Variants in TRIM11 observed in about 807,000 individuals in gnomAD.
TRIM11 encodes the protein E3 ubiquitin-protein ligase TRIM11.
A neutral mutation model predicts 33.4 loss-of-function variants in TRIM11; 15 were observed. That is an observed-to-expected ratio of 0.45 (90% CI 0.30 to 0.69). TRIM11 has a LOEUF of 0.69. Among genes scored for constraint, TRIM11 ranks in the 30% least tolerant of loss-of-function variants. The pLI, the probability that TRIM11 is intolerant of heterozygous loss-of-function variation, is 0.08. For synonymous variants in TRIM11, 281 were observed against 302.6 expected (o/e 0.93, Z 0.74); for missense variants, 499 against 667.6 (o/e 0.75, Z 2.78).
At position 228,396,958 on chromosome 1, in the gene TRIM11, C is replaced by A. The variant is rs149358976; in HGVS notation, c.848G>T (p.Arg283Leu). ...GCCTCCACACCTACCTCGAAACCTC[C>A]GCAGTGTCTCTACCAGTCCCGGGAC... is the stretch of plus-strand genomic sequence containing the variant. ...CRVPGLVETLRRFRGDVTLDP... is the reference protein window; with the variant it reads ...CRVPGLVETLLRFRGDVTLDP... Residue 283 changes from arginine to leucine, a missense_variant, in exon 5 of 6, where the codon CGG (arginine) becomes CTG (leucine). Physicochemically the swap from Arg to Leu is moderately radical, Grantham distance 102. Transcript: ENST00000284551. 1.2e-6 allele frequency: 2 copies of A among 1,614,108 alleles called. No homozygotes were observed. The highest frequency in any genetic ancestry group is 4.5e-5 in the East Asian group (2 of 44,864).
chr1:228,398,239 T>G (rs914235578), intron 3 of TRIM11, among the ~76,000 whole-genome samples: 1 of 152,064 alleles, frequency 6.6e-6, no homozygotes, highest in Non-Finnish European at 1.5e-5. Context: ...TAAGACATAA[T>G]CCCAGACAAG....
At chr1:228,397,876 C>G (rs980427756) in intron 3 of TRIM11, among the ~76,000 whole-genome samples, 1 of 152,092 alleles carries the variant, frequency 6.6e-6, no homozygotes, top group Non-Finnish European at 1.5e-5. Flanking sequence ...ACACAGACAC[C>G]CACAGAGGGG....
chr1:228,406,634 C>G lies in TRIM11; in HGVS notation c.-73G>C. 7.5e-7 allele frequency: 1 copy of G among 1,335,122 alleles called. No homozygotes were observed. Among genetic ancestry groups the G allele is most frequent in the South Asian group, 1.9e-5 (1 of 51,346 alleles). 82.7% of individuals were successfully genotyped at this position (1,335,122 alleles called of 1,614,324 possible). On this transcript the variant is annotated 5_prime_UTR_variant, in exon 1 of 6. Coordinates refer to ENST00000284551, the MANE Select transcript of TRIM11 (RefSeq NM_145214.3). This position sits in a 1 kb window ranked among gnomAD's most constrained non-coding sequence, Gnocchi z 8.2. ...GGGCGGCCTCGGCAGCTCGCGGGGA[C>G]GCGGGGTATCCGGGTGCGGCGGCGC...
Position 228,402,102 on chromosome 1 carries a change from G to A in TRIM11, c.468C>T (p.Phe156=). 1 of 1,613,328 alleles carries A rather than the reference G, an allele frequency of 6.2e-7. No homozygotes were observed. The highest frequency in any genetic ancestry group is 8.5e-7 in the Non-Finnish European group (1 of 1,179,626). ...LRKQMQDALL[F]QAQADETCVL... is the part of the protein sequence containing the mutation. ...CGCAGGTCTCATCCGCCTGGGCTTG[G>A]AACAGCAACGCATCCTGCATCTGCT... The change falls in exon 2 of 6, where the codon TTC becomes TTT. Residue 156 remains phenylalanine (F), a synonymous_variant. Coordinates refer to ENST00000284551, the MANE Select transcript of TRIM11 (RefSeq NM_145214.3).
chr1:228,396,944 T>A lies in TRIM11; in HGVS notation c.859+3A>T. 6.2e-7 allele frequency: 1 copy of A among 1,614,004 alleles called. No homozygotes were observed. ...TCTCCCCACCTGGGGCCTCCACACC[T>A]ACCTCGAAACCTCCGCAGTGTCTCT... On this transcript the variant is annotated splice_donor_region_variant and intron_variant, in intron 5 of 5. Coordinates refer to ENST00000284551, the MANE Select transcript of TRIM11 (RefSeq NM_145214.3).
chr1:228,396,175 C>G (rs936594090), intron 5 of TRIM11: 1 of 158,734 alleles, frequency 6.3e-6, no homozygotes, highest in Non-Finnish European at 1.4e-5. Context: ...AGCATAAGGC[C>G]AGCCACCAGA....
At chr1:228,399,638 C>G (rs1317673912) in intron 3 of TRIM11, among the ~76,000 whole-genome samples, 1 of 152,210 alleles carries the variant, frequency 6.6e-6, no homozygotes, top group East Asian at 1.9e-4. Context: ...CTCCCCACCC[C>G]ACAATTTACT....
intron 1 of TRIM11, chr1:228,404,586 G>A (rs573579457): frequency 3.2e-4 from 49 of 152,352 alleles, no homozygotes; most frequent in African/African-American, 9.9e-4. Context: ...GATGCAGGAA[G>A]AGCTCTCTGT....
At chr1:228,398,599 A>G (rs1396974582) in intron 3 of TRIM11, among the ~76,000 whole-genome samples, 1 of 152,178 alleles carries the variant, frequency 6.6e-6, no homozygotes, top group Non-Finnish European at 1.5e-5. Context: ...TGGGCGACAG[A>G]GTGAGACCCT....
chr1:228,406,276 G>T lies in TRIM11; in HGVS notation c.286C>A (p.Arg96Ser). The T allele has an allele frequency of 6.7e-7, 1 of 1,492,290 alleles. No homozygotes were observed. The allele number at this position is 1,492,290 out of a possible 1,614,324, so 92.4% of individuals were successfully genotyped here. A position where few individuals can be genotyped will look rare whatever the true frequency, so the allele number is the denominator to read the frequency against. ...CCACAGAAGGCGGCCAGTGGCTCGC[G>T]GTGCGCGGGGCACACGCCCTGCGGG... is the stretch of plus-strand genomic sequence containing the variant. ...PVPQGVCPAH[R>S]EPLAAFCGDE... The change falls in exon 1 of 6, where the codon CGC becomes AGC. Residue 96 changes from arginine to serine, a missense_variant. Coordinates refer to ENST00000284551, the MANE Select transcript of TRIM11 (RefSeq NM_145214.3). This position sits in a 1 kb window ranked among gnomAD's most constrained non-coding sequence, Gnocchi z 8.2.
chr1:228,395,208 G>T lies in TRIM11; in HGVS notation c.904C>A (p.Leu302Met). ...DPDTANPELI[L>M]SEDRRSVQRG... Reference sequence around the variant, plus strand: ...TGCACGCTCCGCCTGTCTTCAGACAGGATCAGCTCAGGGTTGGCGGTGTCC... The same window carrying T: ...TGCACGCTCCGCCTGTCTTCAGACATGATCAGCTCAGGGTTGGCGGTGTCC... The change falls in exon 6 of 6, where the codon CTG becomes ATG. Residue 302 changes from leucine to methionine, a missense_variant. Transcript: ENST00000284551. This position sits in a 1 kb window ranked among gnomAD's most constrained non-coding sequence, Gnocchi z 4.8. The T allele has an allele frequency of 6.7e-7, 1 of 1,493,898 alleles. No homozygotes were observed. Among genetic ancestry groups the T allele is most frequent in the South Asian group, 1.4e-5 (1 of 73,612 alleles). The allele number at this position is 1,493,898 out of a possible 1,614,324, so 92.5% of individuals were successfully genotyped here.
At position 228,401,327 on chromosome 1, in the gene TRIM11, A is replaced by T; in HGVS notation, c.505-133T>A. 9.7e-6 allele frequency: 11 copies of T among 1,139,054 alleles called. No individual in the cohort carries two copies. The highest frequency in any genetic ancestry group is 1.3e-5 in the Non-Finnish European group (11 of 816,430). 70.6% of individuals were successfully genotyped at this position (1,139,054 alleles called of 1,614,324 possible). On this transcript the variant is annotated intron_variant, in intron 2 of 5. Transcript: ENST00000284551. This position sits in a 1 kb window ranked among gnomAD's most constrained non-coding sequence, Gnocchi z 6.1. Reference sequence around the variant, plus strand: ...CACCCCCGGGGCCTGCTAAAGCCAAAGCACAGCACCAGGTGTGGCAGGACC... The same window carrying T: ...CACCCCCGGGGCCTGCTAAAGCCAATGCACAGCACCAGGTGTGGCAGGACC...
Position 228,406,673 on chromosome 1 carries a change from C to CCGGGGCG in TRIM11, c.-119_-113dup, listed in dbSNP as rs1656430227. On this transcript the variant is annotated 5_prime_UTR_variant, in exon 1 of 6. Coordinates refer to ENST00000284551, the MANE Select transcript of TRIM11 (RefSeq NM_145214.3). This position sits in a 1 kb window ranked among gnomAD's most constrained non-coding sequence, Gnocchi z 8.2. The stretch of plus-strand genomic sequence containing the variant: ...GTGCGGCGGCGCAGGCTCGGGCACT[C>CCGGGGCG]CGGGGCGCGAGGCTCGGGACTCCCG... 9.0e-7 allele frequency: 1 copy of CCGGGGCG among 1,105,912 alleles called. No homozygotes were observed. The highest frequency in any genetic ancestry group is 1.2e-6 in the Non-Finnish European group (1 of 859,304). The allele number at this position is 1,105,912 out of a possible 1,614,324, so 68.5% of individuals were successfully genotyped here.
In TRIM11 at chr1:228,394,925, G is replaced by A; in HGVS notation, c.1187C>T (p.Pro396Leu). Residue 396 changes from proline to leucine, a missense_variant, in exon 6 of 6, where the codon CCA becomes CTA. Pro to Leu is a moderately conservative substitution (Grantham distance 98). Transcript: ENST00000284551. This position sits in a 1 kb window ranked among gnomAD's most constrained non-coding sequence, Gnocchi z 6.2. The part of the protein sequence containing the change: ...YYNSSERALA[P>L]LRDPPRRVGI... ...CACGCGCCTGGGTGGGTCCCGGAGT[G>A]GAGCCAAGGCCCGTTCCGAGGAATT... 6.2e-7 allele frequency: 1 copy of A among 1,614,120 alleles called. No individual in the cohort carries two copies. The highest frequency in any genetic ancestry group is 1.1e-5 in the South Asian group (1 of 91,086).
Position 228,400,479 on chromosome 1 carries a change from T to G in TRIM11, c.735+485A>C, listed in dbSNP as rs1656149164. On this transcript the variant is annotated intron_variant, in intron 3 of 5. Coordinates refer to ENST00000284551, the MANE Select transcript of TRIM11 (RefSeq NM_145214.3). The surrounding 1 kb of genome is among the most constrained non-coding windows in gnomAD (Gnocchi z 4.5). ...GGAGCCCACACATGGGAAAAGACTC[T>G]CCTGGAAGCAGAGGAGGAGGAGACT... Among the ~76,000 whole-genome samples, 1 of 152,118 alleles carries G rather than the reference T, an allele frequency of 6.6e-6. No individual in the cohort carries two copies. Among genetic ancestry groups the G allele is most frequent in the African/African-American group, 2.4e-5 (1 of 41,422 alleles).
At chr1:228,405,518 G>C (rs1040884758) in intron 1 of TRIM11, 1 of 152,238 alleles carries the variant, frequency 6.6e-6, no homozygotes, top group Non-Finnish European at 1.5e-5. Flanking sequence ...CCTTCAGCTC[G>C]GGTTTTATTT....
At chr1:228,397,916 G>A (rs561013887) in intron 3 of TRIM11, among the ~76,000 whole-genome samples, 8 of 152,170 alleles carry the variant, frequency 5.3e-5, no homozygotes, top group Non-Finnish European at 7.3e-5. Flanking sequence ...GGAAGAAAAG[G>A]CATCTACAGG....
chr1:228,406,020 G>T lies in TRIM11; in HGVS notation c.408+134C>A. The stretch of plus-strand genomic sequence containing the variant: ...CACCCCCCTCACAGGCCCACAGCAG[G>T]CTGCATCCTGAGCTCCCCGCCCTAG... On this transcript the variant is annotated intron_variant, in intron 1 of 5. Transcript: ENST00000284551. The surrounding 1 kb of genome is among the most constrained non-coding windows in gnomAD (Gnocchi z 8.2). 9.5e-7 allele frequency: 1 copy of T among 1,054,434 alleles called. No homozygotes were observed. Among genetic ancestry groups the T allele is most frequent in the Non-Finnish European group, 1.2e-6 (1 of 803,896 alleles). The allele number at this position is 1,054,434 out of a possible 1,614,324, so 65.3% of individuals were successfully genotyped here.
At position 228,401,162 on chromosome 1, in the gene TRIM11, C is replaced by T. The variant is rs1288405587; in HGVS notation, c.537G>A (p.Leu179=). ...AACGGCGAAGACGCTCGAACTCACC[C>T]AGCACGTTCTGCCGCTGGCTCTCCA... ...KMVESQRQNV[L]GEFERLRRLL... Residue 179 remains leucine, a synonymous_variant, in exon 3 of 6, where the codon CTG becomes CTA. Transcript: ENST00000284551. This position sits in a 1 kb window ranked among gnomAD's most constrained non-coding sequence, Gnocchi z 6.1. The T allele has an allele frequency of 2.5e-6, 4 of 1,613,358 alleles. No individual in the cohort carries two copies.
Sources: allele counts gnomAD v4.1 joint callset (sites outside exome capture counted in the v4.1 genomes callset), GRCh38; gene constraint gnomAD v4.1.1; non-coding constraint Gnocchi (gnomAD v3.1); transcripts MANE v1.5; gene names NCBI Gene and HGNC (gene_info 2026-07-23, HGNC 2026-07-21).